Variants in DGKB observed in about 807,000 individuals in gnomAD.
DGKB encodes diacylglycerol kinase beta, also known as 90 kDa diacylglycerol kinase.
DGKB carries 67 observed loss-of-function variants against 114.3 expected under a neutral mutation model. The observed-to-expected ratio is 0.59, with a 90% CI of 0.48 to 0.72. The LOEUF is 0.72. Ranked by LOEUF, DGKB falls within the 30% of genes least tolerant of loss-of-function variation. DGKB has a pLI of 0.00. For missense variants in DGKB, 907 were observed against 975.2 expected, an observed-to-expected ratio of 0.93 and a Z score of 0.93; for synonymous variants, 398 against 323.1, an observed-to-expected ratio of 1.23 and a Z score of -2.49.
chr7:14,893,671 G>A (rs1222367666), intron 1 of DGKB, among the ~76,000 whole-genome samples: 4 of 151,148 alleles, frequency 2.6e-5, no homozygotes, highest in Admixed American at 6.6e-5. Flanking sequence ...AGAAATACTC[G>A]TTTTCACAGG....
chr7:14,853,184 T>A (rs1408410524), intron 1 of DGKB, among the ~76,000 whole-genome samples: 2 of 152,164 alleles, frequency 1.3e-5, no homozygotes, highest in Admixed American at 1.3e-4. Flanking sequence ...ATATTTGATG[T>A]CTGCACTGAG....
chr7:14,388,786 C>T (rs1218897891), intron 21 of DGKB, among the ~76,000 whole-genome samples: 2 of 152,130 alleles, frequency 1.3e-5, no homozygotes, highest in Non-Finnish European at 2.9e-5. Flanking sequence ...TTTCCAAAAA[C>T]ATTTACAAGA....
At chr7:14,229,362 A>G (rs965490500) in intron 23 of DGKB, among the ~76,000 whole-genome samples, 2 of 152,024 alleles carry the variant, frequency 1.3e-5, no homozygotes, top group African/African-American at 2.4e-5. Context: ...AAACCTGTAT[A>G]GCATGTTACT....
At chr7:14,729,539 A>T (rs953512991) in intron 5 of DGKB, among the ~76,000 whole-genome samples, 14 of 152,300 alleles carry the variant, frequency 9.2e-5, no homozygotes, top group African/African-American at 2.6e-4. Flanking sequence ...ACATTAAAAA[A>T]TTTTTGAATA....
At chr7:14,377,524 T>C (rs961316732) in intron 21 of DGKB, among the ~76,000 whole-genome samples, 1 of 152,200 alleles carries the variant, frequency 6.6e-6, no homozygotes, top group African/African-American at 2.4e-5. Context: ...TTTTAAAACT[T>C]CTAAATAATC....
At chr7:14,571,117 T>C (rs534845545) in intron 20 of DGKB, among the ~76,000 whole-genome samples, 35 of 152,310 alleles carry the variant, frequency 2.3e-4, no homozygotes, top group African/African-American at 8.2e-4. Flanking sequence ...TTCTCCTCTG[T>C]TGAGAACCAC....
chr7:14,523,723 T>C (rs1296548741), intron 20 of DGKB, among the ~76,000 whole-genome samples: 1 of 152,190 alleles, frequency 6.6e-6, no homozygotes, highest in East Asian at 1.9e-4. Flanking sequence ...TAATGAGGTA[T>C]ATGGAATCAA....
At chr7:14,273,581 T>C (rs1160580139) in intron 23 of DGKB, among the ~76,000 whole-genome samples, 1 of 152,212 alleles carries the variant, frequency 6.6e-6, no homozygotes, top group Non-Finnish European at 1.5e-5. Flanking sequence ...GCAGAAGTGC[T>C]AGTTTTGAGA....
At chr7:14,614,359 C>A (rs944008269) in intron 15 of DGKB, among the ~76,000 whole-genome samples, 1 of 151,932 alleles carries the variant, frequency 6.6e-6, no homozygotes, top group African/African-American at 2.4e-5. Context: ...TTCAATGTAA[C>A]CCTATGTAAC....
intron 2 of DGKB, among the ~76,000 whole-genome samples, chr7:14,805,814 A>ATCCCGCCACTGCACTCCAGCCTGGGCG (rs1842728099): frequency 1.3e-5 from 2 of 150,950 alleles, no homozygotes; most frequent in African/African-American, 4.9e-5. Flanking sequence ...TCCAAGCCAA[A>ATCCCGCCACTGCACTCCAGCCTGGGCG]ACTTCCATAT....
chr7:14,652,506 G>T (rs1185541829), intron 13 of DGKB, among the ~76,000 whole-genome samples: 5 of 151,820 alleles, frequency 3.3e-5, no homozygotes, highest in Non-Finnish European at 7.4e-5. Context: ...AATTCAAGAT[G>T]GATTAAAGAC....
chr7:14,284,256 A>G (rs910984893), intron 23 of DGKB, among the ~76,000 whole-genome samples: 22 of 147,810 alleles, frequency 1.5e-4, no homozygotes, highest in Non-Finnish European at 1.8e-4. Flanking sequence ...AAACACATGA[A>G]AAAATGCTCA....
At chr7:14,427,858 C>T (rs1015713622) in intron 21 of DGKB, among the ~76,000 whole-genome samples, 3 of 152,128 alleles carry the variant, frequency 2.0e-5, no homozygotes, top group African/African-American at 7.2e-5. Context: ...GGGGACACAA[C>T]CATACCACAA....
chr7:14,895,810 A>C (rs1165063037), intron 1 of DGKB, among the ~76,000 whole-genome samples: 1 of 151,660 alleles, frequency 6.6e-6, no homozygotes, highest in Non-Finnish European at 1.5e-5. Flanking sequence ...ATGACTGACA[A>C]TCTCCATACA....
chr7:14,781,168 G>A (rs1305178237), intron 2 of DGKB, among the ~76,000 whole-genome samples: 1 of 152,288 alleles, frequency 6.6e-6, no homozygotes, highest in East Asian at 1.9e-4. Context: ...CTTAAGATGT[G>A]TGGTTGAGCA....
At chr7:14,798,278 T>C (rs977577681) in intron 2 of DGKB, among the ~76,000 whole-genome samples, 2 of 152,170 alleles carry the variant, frequency 1.3e-5, no homozygotes, top group Non-Finnish European at 2.9e-5. Context: ...CCTGTCCCTG[T>C]CTGCCTAGGA....
chr7:14,448,468 T>A (rs1209283094), intron 21 of DGKB, among the ~76,000 whole-genome samples: 1 of 152,036 alleles, frequency 6.6e-6, no homozygotes, highest in African/African-American at 2.4e-5. Flanking sequence ...GTAGTTTTGA[T>A]AAGACTGGAA....
At chr7:14,724,087 A>AT (rs1396802044) in intron 5 of DGKB, among the ~76,000 whole-genome samples, 2 of 152,234 alleles carry the variant, frequency 1.3e-5, no homozygotes, top group Non-Finnish European at 2.9e-5. Context: ...GTCAAAAACA[A>AT]TAACATGGAT....
intron 1 of DGKB, among the ~76,000 whole-genome samples, chr7:14,843,872 ACG>A (rs1491415556): frequency 1.3e-5 from 2 of 151,938 alleles, no homozygotes; most frequent in South Asian, 2.1e-4. Context: ...TTACAGTTAC[ACG>A]AAAGGCAGTC....
Sources: gnomAD v4.1 joint callset for allele counts (sites outside exome capture counted in the v4.1 genomes callset) on GRCh38, gnomAD v4.1.1 for gene constraint, MANE v1.5 for transcripts, NCBI Gene and HGNC (gene_info 2026-07-23, HGNC 2026-07-21) for gene names.